Variants in ALDH7A1 observed in about 807,000 individuals in gnomAD.
ALDH7A1 encodes alpha-aminoadipic semialdehyde dehydrogenase.
Under a neutral mutation model 79.9 loss-of-function variants are expected in ALDH7A1, and 63 were observed. That is an observed-to-expected ratio of 0.79 (90% CI 0.64 to 0.97). ALDH7A1 has a LOEUF of 0.97. Among genes scored for constraint, ALDH7A1 ranks in the 50% least tolerant of loss-of-function variants. The probability of loss-of-function intolerance (pLI) is 0.00; values close to 1 mark genes in which losing one functional copy is unlikely to be tolerated. For synonymous variants in ALDH7A1, 240 were observed against 231.2 expected (o/e 1.04, Z -0.34); for missense variants, 627 against 665.2 (o/e 0.94, Z 0.63).
intron 7 of ALDH7A1, 125 bp from the exon 8 acceptor site, chr5:126,570,984 C>G (rs910554300): frequency 3.7e-5 from 34 of 910,314 alleles, no homozygotes; most frequent in Non-Finnish European, 5.8e-5. Flanking sequence ...ATATACTACT[C>G]TCTTGCTTTT....
chr5:126,590,158 A>G (rs13154789), intron 3 of ALDH7A1, among the ~76,000 whole-genome samples: 102,841 of 146,492 alleles, frequency 0.7, 37,192 homozygotes, highest in East Asian at 0.93. Context: ...CCCGGCCGCC[A>G]CCCTGTCTGG....
At chr5:126,564,441 C>T in intron 9 of ALDH7A1, 1 of 961,176 alleles carries the variant, frequency 1.0e-6, no homozygotes, top group Non-Finnish European at 1.3e-6. Flanking sequence ...AGCCACTGTG[C>T]CCAGCCTTAG....
chr5:126,558,033 T>A (rs1290537254), intron 11 of ALDH7A1, among the ~76,000 whole-genome samples: 1 of 151,182 alleles, frequency 6.6e-6, no homozygotes, highest in Non-Finnish European at 1.5e-5. Flanking sequence ...CCAGGCAGGG[T>A]GGCACGTGCC....
In ALDH7A1 at chr5:126,544,884, G is replaced by A. The variant is rs1749733270; in HGVS notation, c.*81C>T. On this transcript the variant is annotated 3_prime_UTR_variant, in exon 18 of 18. Transcript: ENST00000409134. ...CAGTCATAATAATGCATTTATTCAG[G>A]GAAAACTTTAATTTTCTTTGTCTTC... is the stretch of plus-strand genomic sequence containing the variant. 3 of 1,212,248 alleles carry A rather than the reference G, an allele frequency of 2.5e-6. No individual in the cohort carries two copies. Among genetic ancestry groups the A allele is most frequent in the East Asian group, 2.4e-5 (1 of 42,154 alleles). The allele number at this position is 1,212,248 out of a possible 1,614,324, so 75.1% of individuals were successfully genotyped here. A position where few individuals can be genotyped will look rare whatever the true frequency, so the allele number is the denominator to read the frequency against.
intron 7 of ALDH7A1, 82 bp from the exon 8 acceptor site, chr5:126,570,941 C>T: frequency 2.2e-6 from 3 of 1,347,122 alleles, no homozygotes; most frequent in Non-Finnish European, 3.2e-6. Flanking sequence ...CCACTTGACT[C>T]TCCTTTTTTC....
intron 11 of ALDH7A1, among the ~76,000 whole-genome samples, chr5:126,558,166 C>CAAAAAAAAAAAAAAAAAAAAAAAAA (rs35559498): frequency 4.0e-5 from 3 of 75,426 alleles, no homozygotes; most frequent in Admixed American, 2.0e-4. Context: ...GACTCCAACT[C>CAAAAAAAAAAAAAAAAAAAAAAAAA]AAAAAAAAAA....
intron 14 of ALDH7A1, among the ~76,000 whole-genome samples, 157 bp from the exon 15 acceptor site, chr5:126,550,450 G>A (rs1297507303): frequency 6.6e-6 from 1 of 152,036 alleles, no homozygotes; most frequent in South Asian, 2.1e-4. Context: ...TTATAATTCA[G>A]ATCATTGATA....
Position 126,554,349 on chromosome 5 carries a change from T to G in ALDH7A1, c.1138A>C (p.Met380Leu). ...GPLHTKQAVS[M>L]FLGAVEEAKK... ...GCTTCTTCCACTGCTCCAAGAAACA[T>G]GCTCACTGCCTGCTTGGTGTGGAGT... The change falls in exon 13 of 18, where the codon ATG (methionine) becomes CTG (leucine). Residue 380 changes from methionine (M) to leucine (L), a missense_variant. Met to Leu is a conservative substitution (Grantham distance 15). Transcript: ENST00000409134. The G allele has an allele frequency of 6.2e-7, 1 of 1,614,148 alleles. No individual in the cohort carries two copies. The highest frequency in any genetic ancestry group is 8.5e-7 in the Non-Finnish European group (1 of 1,180,022).
chr5:126,541,926 A>G lies in ALDH7A1; in HGVS notation c.*3039T>C, dbSNP rs962266172. The G allele has an allele frequency of 6.6e-6, 1 of 151,120 alleles. No individual in the cohort carries two copies. The highest frequency in any genetic ancestry group is 2.0e-4 in the East Asian group (1 of 5,124). 9.4% of individuals were successfully genotyped at this position (151,120 alleles called of 1,614,324 possible). A position where few individuals can be genotyped will look rare whatever the true frequency, so the allele number is the denominator to read the frequency against. On this transcript the variant is annotated 3_prime_UTR_variant, in exon 18 of 18. Transcript: ENST00000409134. ...TGTACCCCAAATCCAAATGGATTAAAGACAAAAATGTCAATAAAACATTTG... is the reference window on the plus strand; with the variant it reads ...TGTACCCCAAATCCAAATGGATTAAGGACAAAAATGTCAATAAAACATTTG...
intron 9 of ALDH7A1, chr5:126,568,011 C>T: frequency 2.4e-6 from 1 of 409,770 alleles, no homozygotes; most frequent in Non-Finnish European, 4.6e-6. Flanking sequence ...TCTGGATCTC[C>T]TGACCTTGTG....
In ALDH7A1 at chr5:126,544,075, A is replaced by C. The variant is rs1202662963; in HGVS notation, c.*890T>G. On this transcript the variant is annotated 3_prime_UTR_variant, in exon 18 of 18. Coordinates refer to ENST00000409134, the MANE Select transcript of ALDH7A1 (RefSeq NM_001182.5). ...TGGGTTCACACAATTCTCCTGCCTCAGCCTCCCTAATAGCTGGGATTACAG... is the reference window on the plus strand; with the variant it reads ...TGGGTTCACACAATTCTCCTGCCTCCGCCTCCCTAATAGCTGGGATTACAG... The C allele has an allele frequency of 6.8e-6, 1 of 147,840 alleles. No individual in the cohort carries two copies. The highest frequency in any genetic ancestry group is 1.5e-5 in the Non-Finnish European group (1 of 67,688). 9.2% of individuals were successfully genotyped at this position (147,840 alleles called of 1,614,324 possible).
intron 8 of ALDH7A1, chr5:126,570,221 G>A (rs746018293): frequency 6.5e-6 from 1 of 154,446 alleles, no homozygotes; most frequent in Non-Finnish European, 1.4e-5. Flanking sequence ...ATAAGATAGT[G>A]GTGATAGATA....
chr5:126,580,953 T>G (rs553055498), intron 5 of ALDH7A1, among the ~76,000 whole-genome samples: 8 of 151,982 alleles, frequency 5.3e-5, no homozygotes, highest in Non-Finnish European at 1.2e-4. Flanking sequence ...GCCTCCCGAG[T>G]AGCTGGGATT....
chr5:126,566,673 A>G (rs1750593690), intron 9 of ALDH7A1, among the ~76,000 whole-genome samples: 1 of 152,148 alleles, frequency 6.6e-6, no homozygotes, highest in Non-Finnish European at 1.5e-5. Flanking sequence ...CTTTTCAATC[A>G]TGTATCCAGG....
rs979428268 is a variant in ALDH7A1, at chr5:126,568,644, T to C, written c.774-288A>G. The C allele has an allele frequency of 9.7e-6, 4 of 414,018 alleles. No individual in the cohort carries two copies. In the Admixed American group the frequency reaches 1.1e-4, roughly 11 times the overall value. The allele number at this position is 414,018 out of a possible 1,614,324, so 25.6% of individuals were successfully genotyped here. On this transcript the variant is annotated intron_variant, in intron 8 of 17. Transcript: ENST00000409134. ...CTATACTGAGTGAGTGACTGGACAATATGATCTTAGCATTTCCTTGCTGAG... is the reference window on the plus strand; with the variant it reads ...CTATACTGAGTGAGTGACTGGACAACATGATCTTAGCATTTCCTTGCTGAG...
chr5:126,575,545 G>A (rs1750936342), intron 6 of ALDH7A1, 81 bp from the exon 7 acceptor site: 1 of 1,283,754 alleles, frequency 7.8e-7, no homozygotes, highest in African/African-American at 1.5e-5. Flanking sequence ...TCAAACAGAA[G>A]CAAAAGTGTG....
At chr5:126,585,767 T>C (rs1751339959) in intron 3 of ALDH7A1, among the ~76,000 whole-genome samples, 1 of 152,126 alleles carries the variant, frequency 6.6e-6, no homozygotes, top group Admixed American at 6.6e-5. Flanking sequence ...TTCACCATGT[T>C]GGTCAGGCTG....
At chr5:126,579,160 T>C (rs548256707) in intron 5 of ALDH7A1, among the ~76,000 whole-genome samples, 1 of 152,358 alleles carries the variant, frequency 6.6e-6, no homozygotes, top group South Asian at 2.1e-4. Flanking sequence ...CCCGAGGTTC[T>C]CTTTCCACTC....
intron 13 of ALDH7A1, 73 bp downstream of exon 13, chr5:126,554,214 C>T (rs2112759636): frequency 7.6e-7 from 1 of 1,322,618 alleles, no homozygotes; most frequent in Non-Finnish European, 1.1e-6. Context: ...TCCAATATGC[C>T]CAGAGCCCTG....
Sources: gnomAD v4.1 joint callset for allele counts (sites outside exome capture counted in the v4.1 genomes callset) on GRCh38, gnomAD v4.1.1 for gene constraint, MANE v1.5 for transcripts, NCBI Gene and HGNC (gene_info 2026-07-23, HGNC 2026-07-21) for gene names.